The following PCYT1A variants were observed in gnomAD, a reference collection of about 807,000 sequenced individuals.
PCYT1A encodes the protein phosphate cytidylyltransferase 1A, choline.
In PCYT1A, 25 loss-of-function variants were observed where a neutral mutation model predicts 43.7. That is an observed-to-expected ratio of 0.57 (90% CI 0.42 to 0.80). The LOEUF (loss-of-function observed/expected upper bound fraction) is 0.80, where lower values mean the gene tolerates loss of function less well. Ranked by LOEUF, PCYT1A falls within the 30% of genes least tolerant of loss-of-function variation. PCYT1A has a pLI of 0.00. For missense variants in PCYT1A, 421 were observed against 474.2 expected (o/e 0.89, Z 1.04); for synonymous variants, 172 against 170.7 (o/e 1.01, Z -0.06).
intron 7 of PCYT1A, 87 bp from the exon 8 acceptor site, chr3:196,239,822 T>C: frequency 1.2e-6 from 1 of 829,752 alleles, no homozygotes; most frequent in South Asian, 1.6e-5. Flanking sequence ...GCTCAAGCAC[T>C]CAATTGACAC....
chr3:196,286,061 CTT>C (rs533707821), intron 1 of PCYT1A, among the ~76,000 whole-genome samples: 8,610 of 124,246 alleles, frequency 0.069, 197 homozygotes, highest in South Asian at 0.12. Flanking sequence ...ACCACTGTCC[CTT>C]TTTTTTTTTT....
chr3:196,285,047 T>C (rs1448649594), intron 1 of PCYT1A, among the ~76,000 whole-genome samples: 2 of 152,206 alleles, frequency 1.3e-5, no homozygotes, highest in African/African-American at 4.8e-5. Context: ...TATTCCCCTA[T>C]TACAGAGTGT....
At chr3:196,270,322 C>A in intron 2 of PCYT1A, 93 bp downstream of exon 2, 1 of 831,466 alleles carries the variant, frequency 1.2e-6, no homozygotes, top group Non-Finnish European at 2.0e-6. Context: ...CTTACTATTC[C>A]TTCTTTTCAT....
chr3:196,245,323 G>A (rs1275912453), intron 5 of PCYT1A, among the ~76,000 whole-genome samples: 1 of 152,022 alleles, frequency 6.6e-6, no homozygotes, highest in Admixed American at 6.6e-5. Context: ...TGCATTTTTA[G>A]TAGACAGGGT....
intron 5 of PCYT1A, among the ~76,000 whole-genome samples, chr3:196,244,054 C>T (rs1250674790): frequency 7.4e-5 from 11 of 149,404 alleles, no homozygotes; most frequent in Admixed American, 1.3e-4. Flanking sequence ...GTGAGGAGCG[C>T]CTCTTCCCGG....
chr3:196,256,857 T>C (rs1394350236), intron 3 of PCYT1A, among the ~76,000 whole-genome samples: 1 of 152,174 alleles, frequency 6.6e-6, no homozygotes. Context: ...CTATTTGTAT[T>C]TCACTGTTCT....
intron 7 of PCYT1A, among the ~76,000 whole-genome samples, chr3:196,240,307 C>T (rs183651541): frequency 1.3e-3 from 202 of 152,282 alleles, no homozygotes; most frequent in Non-Finnish European, 2.4e-3. Context: ...AATGATGATA[C>T]TCGTTGGTCT....
chr3:196,257,929 T>C (rs763613581), intron 2 of PCYT1A, 42 bp from the exon 3 acceptor site: 1 of 1,143,114 alleles, frequency 8.7e-7, no homozygotes, highest in Non-Finnish European at 1.3e-6. Context: ...TTCAACTCAA[T>C]GGCATACACT....
In PCYT1A at chr3:196,242,059, A is replaced by G; in HGVS notation, c.597T>C (p.Gly199=). Residue 199 remains glycine (G), a synonymous_variant, in exon 7 of 9, where the codon GGT becomes GGC. Coordinates refer to ENST00000431016, the MANE Select transcript of PCYT1A (RefSeq NM_001312673.2). The surrounding 1 kb of genome is among the most constrained non-coding windows in gnomAD (Gnocchi z 4.2). The part of the protein sequence containing the change: ...GMFAPTQRTE[G]ISTSDIITRI... ...GGGTGATGATGTCTGATGTGGAGATACCTTCTGTCCTCTGTGTTGGAGCAA... is the reference window on the plus strand; with the variant it reads ...GGGTGATGATGTCTGATGTGGAGATGCCTTCTGTCCTCTGTGTTGGAGCAA... 6.2e-7 allele frequency: 1 copy of G among 1,614,122 alleles called. No homozygotes were observed. The highest frequency in any genetic ancestry group is 1.7e-5 in the Admixed American group (1 of 60,028).
intron 1 of PCYT1A, among the ~76,000 whole-genome samples, chr3:196,286,502 A>G (rs1230300306): frequency 6.6e-6 from 1 of 152,258 alleles, no homozygotes; most frequent in Non-Finnish European, 1.5e-5. Flanking sequence ...GATGTACAAA[A>G]TCTATTTTAC....
chr3:196,240,373 G>A (rs1181117165), intron 7 of PCYT1A, among the ~76,000 whole-genome samples: 2 of 152,148 alleles, frequency 1.3e-5, no homozygotes, highest in Non-Finnish European at 2.9e-5. Flanking sequence ...GGAAGGGAAG[G>A]GAGTATTTAG....
At chr3:196,244,182 C>T (rs914174143) in intron 5 of PCYT1A, among the ~76,000 whole-genome samples, 2 of 145,412 alleles carry the variant, frequency 1.4e-5, no homozygotes, top group South Asian at 2.2e-4. Context: ...TCTGCCCGAC[C>T]GCCACCCAGT....
chr3:196,274,916 T>C (rs1725543594), intron 1 of PCYT1A, among the ~76,000 whole-genome samples: 1 of 152,194 alleles, frequency 6.6e-6, no homozygotes, highest in Non-Finnish European at 1.5e-5. Context: ...TCTATACATT[T>C]CACTCCGAGT....
In PCYT1A at chr3:196,268,273, C is replaced by T. The variant is rs1725335009; in HGVS notation, c.117+2142G>A. ...GACAGTATCACCTATTTGGTTATAA[C>T]TTGTTCCTACTCCAAGTGATGTTGC... On this transcript the variant is annotated intron_variant, in intron 2 of 8. Transcript: ENST00000431016. The surrounding 1 kb of genome is among the most constrained non-coding windows in gnomAD (Gnocchi z 4.4). Among the ~76,000 whole-genome samples the T allele has an allele frequency of 6.6e-6, 1 of 152,166 alleles. No individual in the cohort carries two copies. The highest frequency in any genetic ancestry group is 1.5e-5 in the Non-Finnish European group (1 of 68,040).
At chr3:196,255,967 G>A (rs1199612772) in intron 3 of PCYT1A, among the ~76,000 whole-genome samples, 1 of 152,166 alleles carries the variant, frequency 6.6e-6, no homozygotes, top group Non-Finnish European at 1.5e-5. Flanking sequence ...ACAATCCATA[G>A]TCTCTGGTTT....
chr3:196,239,913 C>T (rs2108761508), intron 7 of PCYT1A, 178 bp from the exon 8 acceptor site: 1 of 579,676 alleles, frequency 1.7e-6, no homozygotes, highest in Non-Finnish European at 3.1e-6. Flanking sequence ...TGTGGATGCA[C>T]ACACAAGAAG....
chr3:196,270,443 A>G lies in PCYT1A; in HGVS notation c.89T>C (p.Val30Ala). The change falls in exon 2 of 9, where the codon GTT becomes GCT. Residue 30 changes from valine (V) to alanine (A), a missense_variant. By Grantham distance (64) the Val-to-Ala change is moderately conservative. This residue lies in a region of PCYT1A where 139 missense variants were observed against 117.7 expected (regional missense o/e 1.18). Coordinates refer to ENST00000431016, the MANE Select transcript of PCYT1A (RefSeq NM_001312673.2). The part of the protein sequence containing the change: ...GPNGATEEDG[V>A]PSKVQRCAVG... ...TGCACAGCGCTGCACTTTGGAAGGA[A>G]CCCCATCTTCTTCTGTTGCCCCGTT... The G allele has an allele frequency of 6.3e-7, 1 of 1,588,664 alleles. No homozygotes were observed. The highest frequency in any genetic ancestry group is 8.6e-7 in the Non-Finnish European group (1 of 1,156,858).
At position 196,270,502 on chromosome 3, in the gene PCYT1A, A is replaced by G. The variant is rs146550541; in HGVS notation, c.30T>C (p.Asn10=). The G allele has an allele frequency of 5.8e-4, 930 of 1,614,038 alleles. 1 individual carries two copies. Among genetic ancestry groups the G allele is most frequent in the African/African-American group, 1.2e-3 (90 of 75,028 alleles). The change falls in exon 2 of 9, where the codon AAT becomes AAC. Residue 10 remains asparagine, a synonymous_variant. Transcript: ENST00000431016. MDAQCSAKV[N]ARKRRKEAPG... ...GCGCCTCTTTTCTCCTCTTCCTTGC[A>G]TTGACCTTGGCTGAACACTGTGCAT... is the stretch of plus-strand genomic sequence containing the variant.
chr3:196,283,108 C>A (rs983340101), intron 1 of PCYT1A, among the ~76,000 whole-genome samples: 1 of 152,182 alleles, frequency 6.6e-6, no homozygotes, highest in Admixed American at 6.5e-5. Context: ...GAGGCCGAGG[C>A]GGATGGATCA....
Sources: gnomAD v4.1 joint callset for allele counts (sites outside exome capture counted in the v4.1 genomes callset) on GRCh38, gnomAD v4.1.1 for gene constraint, gnomAD v4.1.1 regional missense constraint, Gnocchi (gnomAD v3.1) non-coding constraint, MANE v1.5 for transcripts, NCBI Gene and HGNC (gene_info 2026-07-23, HGNC 2026-07-21) for gene names.